The following SLC5A10 variants were observed in gnomAD, a reference collection of about 807,000 sequenced individuals.
The protein encoded by SLC5A10 is sodium/mannose cotransporter SLC5A10.
Under a neutral mutation model 68.9 loss-of-function variants are expected in SLC5A10, and 55 were observed. That is an observed-to-expected ratio of 0.80 (90% CI 0.64 to 1.00). The LOEUF (loss-of-function observed/expected upper bound fraction) is 1.00, where lower values mean the gene tolerates loss of function less well. Ranked by LOEUF, SLC5A10 falls within the 50% of genes least tolerant of loss-of-function variation. The pLI, the probability that SLC5A10 is intolerant of heterozygous loss-of-function variation, is 0.00. For missense variants in SLC5A10, 732 were observed against 819.3 expected, an observed-to-expected ratio of 0.89 and a Z score of 1.30; for synonymous variants, 344 against 344.8, an observed-to-expected ratio of 1.00 and a Z score of 0.02.
intron 1 of SLC5A10, among the ~76,000 whole-genome samples, chr17:18,956,863 A>G (rs1281395121): frequency 6.6e-6 from 1 of 152,156 alleles, no homozygotes; most frequent in Non-Finnish European, 1.5e-5. Context: ...TCAGCATGCT[A>G]CGTGTACTAA....
In SLC5A10 at chr17:18,971,361, A is replaced by AG. The variant is rs749414732; in HGVS notation, c.846+147dup. On this transcript the variant is annotated intron_variant, in intron 8 of 14. Transcript: ENST00000395645. This position sits in a 1 kb window ranked among gnomAD's most constrained non-coding sequence, Gnocchi z 5.5. ...TGGCTCCAGGCTGGGACATGCTGCT[A>AG]GGGGTCTTTGCGGTCCCGGGGGGCT... 2 of 1,558,904 alleles carry AG rather than the reference A, an allele frequency of 1.3e-6. No homozygotes were observed. Among genetic ancestry groups the AG allele is most frequent in the African/African-American group, 3.5e-5 (2 of 57,512 alleles).
intron 9 of SLC5A10, among the ~76,000 whole-genome samples, chr17:18,990,944 GC>G (rs1277049748): frequency 6.6e-6 from 1 of 152,186 alleles, no homozygotes; most frequent in East Asian, 1.9e-4. Flanking sequence ...AGAACCCAGG[GC>G]CCTGTCCCAC....
At position 18,969,134 on chromosome 17, in the gene SLC5A10, T is replaced by C. The variant is rs546334206; in HGVS notation, c.536T>C (p.Ile179Thr). The C allele has an allele frequency of 6.2e-7, 1 of 1,614,080 alleles. No individual in the cohort carries two copies. The highest frequency in any genetic ancestry group is 1.7e-5 in the Admixed American group (1 of 60,020). The change falls in exon 6 of 15, where the codon ATC (isoleucine) becomes ACC (threonine). Residue 179 changes from isoleucine (I) to threonine (T), a missense_variant. By Grantham distance (89) the Ile-to-Thr change is moderately conservative. Transcript: ENST00000395645. ...CTCTCCACCATCCTCACGCTCGGCA[T>C]CACAGCCCTGTACACCATCGCAGGT... ...FYLSTILTLG[I>T]TALYTIAGGL...
chr17:18,959,491 G>T, intron 3 of SLC5A10, 113 bp from the exon 4 acceptor site: 1 of 1,200,934 alleles, frequency 8.3e-7, no homozygotes, highest in East Asian at 2.4e-5. Context: ...AAGTCAGGAG[G>T]GGCTGGGGGA....
At chr17:19,007,111 G>T (rs907260378) in intron 9 of SLC5A10, among the ~76,000 whole-genome samples, 1 of 151,996 alleles carries the variant, frequency 6.6e-6, no homozygotes, top group Non-Finnish European at 1.5e-5. Context: ...TTCCAGAGTG[G>T]CTGTACCATT....
At chr17:19,011,465 C>G (rs2472709) in intron 9 of SLC5A10, among the ~76,000 whole-genome samples, 1 of 151,914 alleles carries the variant, frequency 6.6e-6, no homozygotes, top group African/African-American at 2.4e-5. Context: ...TCAAGGGCCT[C>G]GAATGCCATA....
intron 10 of SLC5A10, among the ~76,000 whole-genome samples, chr17:19,013,974 CTG>C (rs899003238): frequency 1.3e-5 from 2 of 152,168 alleles, no homozygotes; most frequent in African/African-American, 4.8e-5. Flanking sequence ...TTGGGGAAAA[CTG>C]TGATTTGACT....
intron 9 of SLC5A10, among the ~76,000 whole-genome samples, chr17:19,009,339 G>A (rs1276298881): frequency 6.6e-6 from 1 of 151,326 alleles, no homozygotes; most frequent in African/African-American, 2.5e-5. Context: ...CTACAGGCAC[G>A]AACCACCACG....
chr17:18,984,741 C>A, intron 9 of SLC5A10, among the ~76,000 whole-genome samples: 1 of 152,266 alleles, frequency 6.6e-6, no homozygotes, highest in Non-Finnish European at 1.5e-5. Flanking sequence ...CCTCCACACC[C>A]AGTATCACCC....
In SLC5A10 at chr17:19,017,706, C is replaced by A; in HGVS notation, c.1242-1717C>A. On this transcript the variant is annotated intron_variant, in intron 11 of 14. Transcript: ENST00000395645. The surrounding 1 kb of genome is among the most constrained non-coding windows in gnomAD (Gnocchi z 5.6). ...CGGCTGTTCAGTCCGTAAATGGGGCCCACAGCCTCCTGGAAACCCTGTGCA... is the reference window on the plus strand; with the variant it reads ...CGGCTGTTCAGTCCGTAAATGGGGCACACAGCCTCCTGGAAACCCTGTGCA... 3.2e-6 allele frequency: 1 copy of A among 315,230 alleles called. No homozygotes were observed. The highest frequency in any genetic ancestry group is 6.0e-6 in the Non-Finnish European group (1 of 165,998). The allele number at this position is 315,230 out of a possible 1,614,324, so 19.5% of individuals were successfully genotyped here. A position where few individuals can be genotyped will look rare whatever the true frequency, so the allele number is the denominator to read the frequency against.
intron 9 of SLC5A10, among the ~76,000 whole-genome samples, chr17:19,005,972 C>A (rs1330383167): frequency 6.6e-6 from 1 of 152,188 alleles, no homozygotes; most frequent in East Asian, 1.9e-4. Flanking sequence ...TACTGTGGAT[C>A]CCCTGTAAGA....
chr17:18,977,001 T>G lies in SLC5A10; in HGVS notation c.982+12T>G. Reference sequence around the variant, plus strand: ...CGCATTGTTCCCAGGTAGGACGGGCTCCGGGCACTGAACCCAGGCTGCAGG... The same window carrying G: ...CGCATTGTTCCCAGGTAGGACGGGCGCCGGGCACTGAACCCAGGCTGCAGG... On this transcript the variant is annotated intron_variant, in intron 9 of 14. Coordinates refer to ENST00000395645, the MANE Select transcript of SLC5A10 (RefSeq NM_001042450.4). The G allele has an allele frequency of 6.2e-7, 1 of 1,610,642 alleles. No individual in the cohort carries two copies.
At chr17:18,980,452 G>A (rs564636193) in intron 9 of SLC5A10, among the ~76,000 whole-genome samples, 2 of 152,240 alleles carry the variant, frequency 1.3e-5, no homozygotes, top group East Asian at 3.9e-4. Context: ...GGAGCACAGC[G>A]GGCCCCTCAA....
At chr17:19,009,523 G>T (rs2043970013) in intron 9 of SLC5A10, among the ~76,000 whole-genome samples, 1 of 152,194 alleles carries the variant, frequency 6.6e-6, no homozygotes. Flanking sequence ...GCCTGACTGA[G>T]AACTGGATTT....
At chr17:18,985,928 T>C (rs1308617819) in intron 9 of SLC5A10, among the ~76,000 whole-genome samples, 1 of 152,244 alleles carries the variant, frequency 6.6e-6, no homozygotes, top group Admixed American at 6.5e-5. Context: ...TTAGAATGTG[T>C]GGTTCTTGCC....
intron 1 of SLC5A10, among the ~76,000 whole-genome samples, chr17:18,955,476 C>T (rs185407332): frequency 8.5e-5 from 13 of 152,352 alleles, no homozygotes; most frequent in African/African-American, 3.1e-4. Flanking sequence ...CTTCGGGGAA[C>T]CTTAAATGGG....
Position 19,017,621 on chromosome 17 carries a change from A to G in SLC5A10, c.1242-1802A>G. The G allele has an allele frequency of 8.0e-6, 4 of 497,058 alleles. 1 individual carries two copies. The South Asian group carries it at 8.8e-5, about 11-fold the overall frequency. The allele number at this position is 497,058 out of a possible 1,614,324, so 30.8% of individuals were successfully genotyped here. A position where few individuals can be genotyped will look rare whatever the true frequency, so the allele number is the denominator to read the frequency against. ...TCCCGTATGCCTGCCCCAAGCCCCC[A>G]CACCTCAGTCCACTGTTCCGCCACT... On this transcript the variant is annotated intron_variant, in intron 11 of 14. Coordinates refer to ENST00000395645, the MANE Select transcript of SLC5A10 (RefSeq NM_001042450.4). The surrounding 1 kb of genome is among the most constrained non-coding windows in gnomAD (Gnocchi z 5.6).
At position 19,019,701 on chromosome 17, in the gene SLC5A10, C is replaced by T; in HGVS notation, c.1411-12C>T. 1 of 1,607,422 alleles carries T rather than the reference C, an allele frequency of 6.2e-7. No homozygotes were observed. Reference sequence around the variant, plus strand: ...CCCGTAGCCCCACATGCCCTGCCTCCCTCCTCCCCAGGGGGCCTTCTGGGG... The same window carrying T: ...CCCGTAGCCCCACATGCCCTGCCTCTCTCCTCCCCAGGGGGCCTTCTGGGG... On this transcript the variant is annotated splice_polypyrimidine_tract_variant and intron_variant, in intron 12 of 14. Coordinates refer to ENST00000395645, the MANE Select transcript of SLC5A10 (RefSeq NM_001042450.4).
intron 13 of SLC5A10, 54 bp from the exon 14 acceptor site, chr17:19,020,101 A>ACG: frequency 1.2e-5 from 15 of 1,227,264 alleles, no homozygotes; most frequent in Non-Finnish European, 1.5e-5. Context: ...TGTCTGGGTC[A>ACG]CCCCCACCCT....
Sources: gnomAD v4.1 joint callset for allele counts (sites outside exome capture counted in the v4.1 genomes callset) on GRCh38, gnomAD v4.1.1 for gene constraint, Gnocchi (gnomAD v3.1) non-coding constraint, MANE v1.5 for transcripts, NCBI Gene and HGNC (gene_info 2026-07-23, HGNC 2026-07-21) for gene names.